Variants in ADARB2 observed in about 807,000 individuals in gnomAD.
The protein encoded by ADARB2 is adenosine deaminase RNA specific B2 (inactive).
In ADARB2, 25 loss-of-function variants were observed where a neutral mutation model predicts 62.2. The ratio of observed to expected loss-of-function variants is 0.40; its 90% CI spans 0.29 to 0.56. The LOEUF is 0.56. Among genes scored for constraint, ADARB2 ranks in the 20% least tolerant of loss-of-function variants. The probability of loss-of-function intolerance (pLI) is 0.43; values close to 1 mark genes in which losing one functional copy is unlikely to be tolerated. For missense variants in ADARB2, 1,071 were observed against 1,077.4 expected, an observed-to-expected ratio of 0.99 and a Z score of 0.08; for synonymous variants, 572 against 500.8, an observed-to-expected ratio of 1.14 and a Z score of -1.90.
At chr10:1,714,078 G>T (rs1332099951) in intron 1 of ADARB2, among the ~76,000 whole-genome samples, 1 of 152,168 alleles carries the variant, frequency 6.6e-6, no homozygotes, top group African/African-American at 2.4e-5. Context: ...TCAGAGGAAG[G>T]TACTCTTTGG....
chr10:1,250,344 A>G (rs528836654), intron 4 of ADARB2, among the ~76,000 whole-genome samples: 1 of 152,120 alleles, frequency 6.6e-6, no homozygotes, highest in Admixed American at 6.5e-5. Flanking sequence ...TGTTTGGGTC[A>G]TGGGGTGGAT....
At chr10:1,197,523 T>C (rs1057009530) in intron 8 of ADARB2, among the ~76,000 whole-genome samples, 13 of 152,256 alleles carry the variant, frequency 8.5e-5, no homozygotes, top group Admixed American at 6.5e-4. Flanking sequence ...AATTGTGTGC[T>C]GTGGAGGAAG....
At chr10:1,442,313 G>C (rs955045911) in intron 1 of ADARB2, among the ~76,000 whole-genome samples, 2 of 152,188 alleles carry the variant, frequency 1.3e-5, no homozygotes, top group Non-Finnish European at 1.5e-5. Flanking sequence ...GTTAGGTCTT[G>C]TCTGTGTCCC....
At chr10:1,520,831 T>C (rs1373683396) in intron 1 of ADARB2, among the ~76,000 whole-genome samples, 2 of 152,242 alleles carry the variant, frequency 1.3e-5, no homozygotes, top group African/African-American at 2.4e-5. Context: ...TCTACACATG[T>C]TGATATCAAA....
intron 7 of ADARB2, among the ~76,000 whole-genome samples, chr10:1,202,145 A>G (rs1202409548): frequency 6.6e-6 from 1 of 151,474 alleles, no homozygotes; most frequent in Non-Finnish European, 1.5e-5. Flanking sequence ...GTTTTGCCAT[A>G]TTGCCCAGGT....
chr10:1,347,929 GAC>G (rs1224271346), intron 3 of ADARB2, among the ~76,000 whole-genome samples: 1 of 149,144 alleles, frequency 6.7e-6, no homozygotes, highest in African/African-American at 2.5e-5. Context: ...CAGACACAGA[GAC>G]AGAGATAGAG....
At chr10:1,208,822 CGGG>C (rs1037272777) in intron 7 of ADARB2, among the ~76,000 whole-genome samples, 1 of 152,194 alleles carries the variant, frequency 6.6e-6, no homozygotes, top group Non-Finnish European at 1.5e-5. Context: ...CCTGATTTGT[CGGG>C]GGAGACAAGA....
chr10:1,643,971 A>C (rs982851867), intron 1 of ADARB2, among the ~76,000 whole-genome samples: 1 of 152,034 alleles, frequency 6.6e-6, no homozygotes, highest in African/African-American at 2.4e-5. Flanking sequence ...CCTCATGGAG[A>C]GCTTCATTAC....
At chr10:1,294,572 C>A (rs117899997) in intron 3 of ADARB2, among the ~76,000 whole-genome samples, 1 of 152,152 alleles carries the variant, frequency 6.6e-6, no homozygotes, top group Non-Finnish European at 1.5e-5. Context: ...CCAGTGATGT[C>A]GACCCTAGGA....
chr10:1,210,414 G>A (rs954242398), intron 7 of ADARB2, among the ~76,000 whole-genome samples: 6 of 152,186 alleles, frequency 3.9e-5, no homozygotes, highest in East Asian at 1.9e-4. Context: ...TCCCGGCCTC[G>A]TGTGGGATGA....
chr10:1,260,325 T>C (rs1831123959), intron 4 of ADARB2, among the ~76,000 whole-genome samples: 1 of 152,192 alleles, frequency 6.6e-6, no homozygotes, highest in African/African-American at 2.4e-5. Context: ...GAGAAGGAAA[T>C]AAAGGGCATT....
At chr10:1,705,988 T>C (rs554505118) in intron 1 of ADARB2, among the ~76,000 whole-genome samples, 11 of 152,366 alleles carry the variant, frequency 7.2e-5, no homozygotes, top group Non-Finnish European at 1.6e-4. Flanking sequence ...TACCATTTTA[T>C]CTTCTTGTTT....
intron 1 of ADARB2, among the ~76,000 whole-genome samples, chr10:1,688,110 G>A (rs1275015883): frequency 6.6e-6 from 1 of 152,170 alleles, no homozygotes; most frequent in Non-Finnish European, 1.5e-5. Flanking sequence ...CCATTGTCTG[G>A]GCAGCAGGAT....
At position 1,688,597 on chromosome 10, in the gene ADARB2, G is replaced by A. The variant is rs926072572; in HGVS notation, c.100+48454C>T. Among the ~76,000 whole-genome samples, 13 of 151,914 alleles carry A rather than the reference G, an allele frequency of 8.6e-5. No individual in the cohort carries two copies. In the East Asian group the frequency reaches 1.5e-3, roughly 18 times the overall value. On this transcript the variant is annotated intron_variant, in intron 1 of 9. Transcript: ENST00000381312. ...CAGCAGCCCAGCGGGGTCCCTCCCC[G>A]CCCCCCGCCTGGCCTTCTGACTGTC... is the stretch of plus-strand genomic sequence containing the variant.
intron 1 of ADARB2, among the ~76,000 whole-genome samples, chr10:1,559,304 A>G (rs2676739): frequency 0.57 from 87,219 of 152,078 alleles, 25,335 homozygotes; most frequent in East Asian, 0.75. Context: ...GGCTGTGATC[A>G]CTGGCTCTTG....
chr10:1,429,225 T>C (rs1021338298), intron 1 of ADARB2, among the ~76,000 whole-genome samples: 3 of 152,232 alleles, frequency 2.0e-5, no homozygotes, highest in Non-Finnish European at 4.4e-5. Context: ...TTAAAAATTG[T>C]TAAATGCTTA....
At chr10:1,244,932 C>T (rs577727387) in intron 4 of ADARB2, among the ~76,000 whole-genome samples, 3 of 152,260 alleles carry the variant, frequency 2.0e-5, no homozygotes, top group East Asian at 1.9e-4. Flanking sequence ...GGGAAAGTGG[C>T]GAAGCTTCAA....
intron 4 of ADARB2, among the ~76,000 whole-genome samples, chr10:1,242,670 G>T (rs1830937670): frequency 6.6e-6 from 1 of 152,204 alleles, no homozygotes; most frequent in South Asian, 2.1e-4. Flanking sequence ...GCTGCGGCCT[G>T]GGCTTCCTGC....
intron 7 of ADARB2, among the ~76,000 whole-genome samples, chr10:1,209,961 G>A (rs990646165): frequency 6.6e-6 from 1 of 152,212 alleles, no homozygotes; most frequent in Admixed American, 6.5e-5. Flanking sequence ...ATATTTTGCT[G>A]TAAACTGATC....
Sources: gnomAD v4.1 joint callset for allele counts (sites outside exome capture counted in the v4.1 genomes callset) on GRCh38, gnomAD v4.1.1 for gene constraint, MANE v1.5 for transcripts, NCBI Gene and HGNC (gene_info 2026-07-23, HGNC 2026-07-21) for gene names.